CCDC28A: variants seen among roughly 807,000 people sequenced by gnomAD.
CCDC28A encodes coiled-coil domain containing 28A, also known as coiled-coil domain-containing protein 28A.
Under a neutral mutation model 22.1 loss-of-function variants are expected in CCDC28A, and 24 were observed. That is an observed-to-expected ratio of 1.09 (90% CI 0.79 to 1.53). CCDC28A has a LOEUF of 1.53. Ranked by LOEUF, CCDC28A falls within the 40% of genes most tolerant of loss-of-function variation. The pLI is 0.00. For synonymous variants in CCDC28A, 83 were observed against 74.7 expected, an observed-to-expected ratio of 1.11 and a Z score of -0.57; for missense variants, 170 against 210.7, an observed-to-expected ratio of 0.81 and a Z score of 1.20.
intron 3 of CCDC28A, among the ~76,000 whole-genome samples, chr6:138,781,219 CTA>C (rs1278151059): frequency 6.6e-6 from 1 of 152,226 alleles, no homozygotes; most frequent in East Asian, 1.9e-4. Context: ...GGAAATCTCT[CTA>C]ATGCACCTAG....
intron 4 of CCDC28A, 151 bp downstream of exon 4, chr6:138,785,532 C>T (rs1425114829): frequency 4.4e-5 from 26 of 595,706 alleles, no homozygotes; most frequent in Non-Finnish European, 7.6e-5. Context: ...AACACGTTCA[C>T]CACCCCAGAA....
intron 1 of CCDC28A, among the ~76,000 whole-genome samples, chr6:138,775,397 A>G (rs1188270833): frequency 6.6e-6 from 1 of 152,234 alleles, no homozygotes; most frequent in African/African-American, 2.4e-5. Context: ...AACTAAATAT[A>G]TATCATAAAA....
intron 2 of CCDC28A, 74 bp downstream of exon 2, chr6:138,776,352 A>G: frequency 8.1e-7 from 1 of 1,229,020 alleles, no homozygotes; most frequent in Middle Eastern, 2.3e-4. Flanking sequence ...CTTCTTAAAC[A>G]CTTTTTTAGT....
Position 138,779,834 on chromosome 6 carries a change from A to G in CCDC28A, c.171A>G (p.Glu57=). The G allele has an allele frequency of 6.2e-7, 1 of 1,611,586 alleles. No individual in the cohort carries two copies. Among genetic ancestry groups the G allele is most frequent in the African/African-American group, 1.3e-5 (1 of 74,836 alleles). The change falls in exon 3 of 6, where the codon GAA becomes GAG. Residue 57 remains glutamate, a synonymous_variant. Coordinates refer to ENST00000617445, the MANE Select transcript of CCDC28A (RefSeq NM_015439.3). Reference sequence around the variant, plus strand: ...ATCGTCTTTACAGAGTGATGAAAGAAAAGACCAAACCTCAGGGTGGAGAGG... The same window carrying G: ...ATCGTCTTTACAGAGTGATGAAAGAGAAGACCAAACCTCAGGGTGGAGAGG... ...QRPKLKRVMK[E]KTKPQGGEGK...
chr6:138,783,477 G>A (rs558892469), intron 3 of CCDC28A, among the ~76,000 whole-genome samples: 29 of 133,528 alleles, frequency 2.2e-4, no homozygotes, highest in African/African-American at 7.1e-4. Context: ...TCGCTCTTTC[G>A]CCCAGGCTGG....
At chr6:138,777,367 G>A (rs1286378545) in intron 2 of CCDC28A, among the ~76,000 whole-genome samples, 1 of 152,160 alleles carries the variant, frequency 6.6e-6, no homozygotes, top group Non-Finnish European at 1.5e-5. Flanking sequence ...GATTTCCTTC[G>A]AATAAATTAT....
chr6:138,776,362 T>C (rs2114899746), intron 2 of CCDC28A, 84 bp downstream of exon 2: 2 of 1,164,292 alleles, frequency 1.7e-6, no homozygotes, highest in Middle Eastern at 2.5e-4. Context: ...ACTTTTTTAG[T>C]CTTGGCTTGA....
intron 5 of CCDC28A, among the ~76,000 whole-genome samples, chr6:138,789,115 CAT>C (rs1390143907): frequency 1.3e-5 from 2 of 152,130 alleles, no homozygotes; most frequent in African/African-American, 2.4e-5. Flanking sequence ...CACCAAGACA[CAT>C]GTAGAATATT....
chr6:138,787,957 C>CTTTTTTTTT (rs397886393), intron 4 of CCDC28A, among the ~76,000 whole-genome samples: 1 of 85,310 alleles, frequency 1.2e-5, no homozygotes, highest in Non-Finnish European at 2.3e-5. Context: ...TTACAGAAAG[C>CTTTTTTTTT]TTTTTTTTTT....
chr6:138,777,943 G>A (rs1774959670), intron 2 of CCDC28A, among the ~76,000 whole-genome samples: 1 of 152,138 alleles, frequency 6.6e-6, no homozygotes, highest in Admixed American at 6.5e-5. Flanking sequence ...AGCAGTGTGG[G>A]ATGGGGGGCT....
At chr6:138,788,471 G>A (rs1775124828) in intron 5 of CCDC28A, 83 bp downstream of exon 5, 1 of 622,052 alleles carries the variant, frequency 1.6e-6, no homozygotes, top group African/African-American at 1.9e-5. Context: ...TTAGAAAGAT[G>A]TGTTATTTAG....
intron 3 of CCDC28A, among the ~76,000 whole-genome samples, chr6:138,781,398 G>T (rs1328151967): frequency 6.6e-6 from 1 of 152,168 alleles, no homozygotes; most frequent in East Asian, 1.9e-4. Flanking sequence ...TCTTTAGGCT[G>T]GTGCCTCTAT....
intron 5 of CCDC28A, among the ~76,000 whole-genome samples, chr6:138,792,062 G>T (rs1202048444): frequency 6.6e-6 from 1 of 152,286 alleles, no homozygotes; most frequent in East Asian, 1.9e-4. Flanking sequence ...ACAATTAAGA[G>T]AATTATAGAA....
chr6:138,782,648 A>T (rs1220437011), intron 3 of CCDC28A, among the ~76,000 whole-genome samples: 1 of 152,212 alleles, frequency 6.6e-6, no homozygotes, highest in Non-Finnish European at 1.5e-5. Context: ...GTATCTTGAG[A>T]TATTTCTGTT....
chr6:138,775,216 G>C (rs1774911498), intron 1 of CCDC28A, among the ~76,000 whole-genome samples: 1 of 152,244 alleles, frequency 6.6e-6, no homozygotes, highest in Non-Finnish European at 1.5e-5. Context: ...TGGGATTACA[G>C]GCGTGAGCCC....
Position 138,792,732 on chromosome 6 carries a change from T to TTAAA in CCDC28A, c.501-14_501-13insATAA. On this transcript the variant is annotated splice_polypyrimidine_tract_variant and intron_variant, in intron 5 of 5. Coordinates refer to ENST00000617445, the MANE Select transcript of CCDC28A (RefSeq NM_015439.3). ...TACCCCTTATAGAATGAAAATCTTC[T>TTAAA]TAACTGATTAATTCAGACAAAAACT... 6.5e-7 allele frequency: 1 copy of TTAAA among 1,544,666 alleles called. No homozygotes were observed. Among genetic ancestry groups the TTAAA allele is most frequent in the Non-Finnish European group, 8.9e-7 (1 of 1,120,956 alleles).
chr6:138,774,999 G>A (rs536388044), intron 1 of CCDC28A, among the ~76,000 whole-genome samples: 1 of 152,118 alleles, frequency 6.6e-6, no homozygotes, highest in Admixed American at 6.5e-5. Context: ...TGTCGCAGTG[G>A]CACCATCTCG....
intron 3 of CCDC28A, among the ~76,000 whole-genome samples, chr6:138,783,876 C>CTTTTT (rs577197452): frequency 2.4e-5 from 3 of 125,438 alleles, no homozygotes; most frequent in African/African-American, 6.2e-5. Context: ...AGCCAGAACT[C>CTTTTT]TTTTTTTTTT....
intron 5 of CCDC28A, 35 bp downstream of exon 5, chr6:138,788,423 A>G (rs190507166): frequency 1.5e-5 from 16 of 1,088,806 alleles, no homozygotes; most frequent in Middle Eastern, 2.4e-4. Context: ...TGAAAAGTTT[A>G]CAACTTACAA....
Sources: gnomAD v4.1 joint callset for allele counts (sites outside exome capture counted in the v4.1 genomes callset) on GRCh38, gnomAD v4.1.1 for gene constraint, MANE v1.5 for transcripts, NCBI Gene and HGNC (gene_info 2026-07-23, HGNC 2026-07-21) for gene names.